Variants in ITFG1 observed in about 807,000 individuals in gnomAD.
ITFG1 encodes the protein T-cell immunomodulatory protein.
Under a neutral mutation model 81.8 loss-of-function variants are expected in ITFG1, and 34 were observed. The ratio of observed to expected loss-of-function variants is 0.42; its 90% CI spans 0.32 to 0.55. The LOEUF is 0.55. Among genes scored for constraint, ITFG1 ranks in the 20% least tolerant of loss-of-function variants. The probability of loss-of-function intolerance (pLI) is 0.17; values close to 1 mark genes in which losing one functional copy is unlikely to be tolerated. For synonymous variants in ITFG1, 285 were observed against 270.6 expected, an observed-to-expected ratio of 1.05 and a Z score of -0.52; for missense variants, 672 against 755.4, an observed-to-expected ratio of 0.89 and a Z score of 1.29.
intron 8 of ITFG1, among the ~76,000 whole-genome samples, chr16:47,339,325 G>C (rs1967750109): frequency 6.6e-6 from 1 of 152,148 alleles, no homozygotes; most frequent in Admixed American, 6.5e-5. Flanking sequence ...GGGACTGCAG[G>C]ATCCACATGG....
intron 14 of ITFG1, among the ~76,000 whole-genome samples, chr16:47,178,397 A>C (rs977705302): frequency 5.3e-5 from 8 of 152,210 alleles, no homozygotes; most frequent in Non-Finnish European, 8.8e-5. Flanking sequence ...CTTAGTGCTC[A>C]GCATAAAGAC....
At chr16:47,360,980 T>C (rs764091026) in intron 8 of ITFG1, among the ~76,000 whole-genome samples, 1 of 152,194 alleles carries the variant, frequency 6.6e-6, no homozygotes, top group Non-Finnish European at 1.5e-5. Context: ...GGTGTACTCA[T>C]TGAATCATAT....
chr16:47,306,612 C>CT (rs776448460), intron 10 of ITFG1, among the ~76,000 whole-genome samples: 28 of 150,982 alleles, frequency 1.9e-4, no homozygotes, highest in Non-Finnish European at 2.9e-5. Context: ...CAAGAGTAAA[C>CT]TTCTATTAGT....
intron 14 of ITFG1, among the ~76,000 whole-genome samples, chr16:47,194,045 T>C (rs896169719): frequency 2.0e-5 from 3 of 152,146 alleles, no homozygotes; most frequent in Non-Finnish European, 4.4e-5. Context: ...CAGAACAAGA[T>C]TTTTCTTTTT....
chr16:47,179,169 C>A (rs1434196406), intron 14 of ITFG1, among the ~76,000 whole-genome samples: 1 of 152,168 alleles, frequency 6.6e-6, no homozygotes, highest in Non-Finnish European at 1.5e-5. Flanking sequence ...GACAGTGTGG[C>A]AATTCCTCAA....
At chr16:47,187,520 C>A (rs934141848) in intron 14 of ITFG1, among the ~76,000 whole-genome samples, 1 of 152,104 alleles carries the variant, frequency 6.6e-6, no homozygotes, top group African/African-American at 2.4e-5. Context: ...GAAAGGATTC[C>A]CTATTTAATA....
chr16:47,427,238 C>T (rs1449679410), intron 6 of ITFG1, among the ~76,000 whole-genome samples: 2 of 152,134 alleles, frequency 1.3e-5, no homozygotes, highest in African/African-American at 4.8e-5. Context: ...GAAAACTGAA[C>T]CTACTGATCA....
At chr16:47,444,553 T>C (rs1489276163) in intron 5 of ITFG1, among the ~76,000 whole-genome samples, 1 of 152,182 alleles carries the variant, frequency 6.6e-6, no homozygotes, top group Non-Finnish European at 1.5e-5. Context: ...TGTAAATTTA[T>C]ATATTAGGTG....
intron 10 of ITFG1, among the ~76,000 whole-genome samples, chr16:47,305,305 T>C (rs1967140516): frequency 6.6e-6 from 1 of 152,160 alleles, no homozygotes; most frequent in South Asian, 2.1e-4. Context: ...GACTAGTACT[T>C]TGTAGTGAGT....
chr16:47,450,377 C>T (rs767130032), intron 5 of ITFG1: 12 of 300,610 alleles, frequency 4.0e-5, no homozygotes, highest in Non-Finnish European at 7.7e-5. Context: ...GGTGATCTCC[C>T]ATCCAAGCAC....
At position 47,443,157 on chromosome 16, in the gene ITFG1, T is replaced by C. The variant is rs184991812; in HGVS notation, c.560+8239A>G. On this transcript the variant is annotated intron_variant, in intron 5 of 17. Transcript: ENST00000320640. ...AAAACACATGAAAAAATGCTCATCA[T>C]CACTGGCCATCAGAGAAATGCAAAT... Among the ~76,000 whole-genome samples the C allele has an allele frequency of 8.8e-3, 1,341 of 152,324 alleles. 9 individuals are homozygous for C. The highest frequency in any genetic ancestry group is 0.013 in the Admixed American group (197 of 15,292).
Position 47,211,383 on chromosome 16 carries a change from T to C in ITFG1, c.1453+7485A>G, listed in dbSNP as rs563650659. Among the ~76,000 whole-genome samples the C allele has an allele frequency of 3.3e-4, 50 of 152,378 alleles. No individual in the cohort carries two copies. In the Middle Eastern group the frequency reaches 0.02, roughly 62 times the overall value. ...GCGTTCTTGTATCCTGCAACCTTGCTGAATGTACTTCTTGGTTGCAGCAGT... is the reference window on the plus strand; with the variant it reads ...GCGTTCTTGTATCCTGCAACCTTGCCGAATGTACTTCTTGGTTGCAGCAGT... On this transcript the variant is annotated intron_variant, in intron 14 of 17. Coordinates refer to ENST00000320640, the MANE Select transcript of ITFG1 (RefSeq NM_030790.5).
At chr16:47,339,978 C>T (rs1374285132) in intron 8 of ITFG1, among the ~76,000 whole-genome samples, 1 of 151,672 alleles carries the variant, frequency 6.6e-6, no homozygotes, top group Non-Finnish European at 1.5e-5. Context: ...AACAAAAAAC[C>T]AATTCATCAT....
rs2151574899 is a variant in ITFG1, at chr16:47,333,916, A to G, written c.803-20093T>C. 2.0e-5 allele frequency among the ~76,000 whole-genome samples: 3 copies of G among 152,356 alleles called. No individual in the cohort carries two copies. In the South Asian group the frequency reaches 6.2e-4, roughly 32 times the overall value. ...AAAATTCAATGAACTGTGATACCAC[A>G]TTTACATGACTTCATTTTATATGAA... On this transcript the variant is annotated intron_variant, in intron 8 of 17. Transcript: ENST00000320640.
At chr16:47,442,943 C>A (rs1166793252) in intron 5 of ITFG1, among the ~76,000 whole-genome samples, 1 of 152,134 alleles carries the variant, frequency 6.6e-6, no homozygotes, top group Non-Finnish European at 1.5e-5. Context: ...GCAAAAGAAA[C>A]CACCATCAGA....
At chr16:47,156,056 C>T (rs767624524) in intron 17 of ITFG1, among the ~76,000 whole-genome samples, 1 of 152,128 alleles carries the variant, frequency 6.6e-6, no homozygotes, top group Non-Finnish European at 1.5e-5. Context: ...TTATTATCTA[C>T]TTGAAAATAG....
chr16:47,421,435 G>T (rs1968947918), intron 6 of ITFG1, among the ~76,000 whole-genome samples: 1 of 151,964 alleles, frequency 6.6e-6, no homozygotes, highest in Non-Finnish European at 1.5e-5. Context: ...CTCCTGAGTA[G>T]CTGGGACTAC....
intron 5 of ITFG1, chr16:47,448,261 GAAGGGTGATTTAATAAATCAGTC>G (rs1969346457): frequency 6.6e-6 from 1 of 152,132 alleles, no homozygotes; most frequent in Admixed American, 6.5e-5. Context: ...CAGTAAAACT[GAAGGGTGATTTAATAAATCAGTC>G]ATTGGTTATA....
chr16:47,155,913 C>A, intron 17 of ITFG1, 135 bp from the exon 18 acceptor site: 1 of 583,572 alleles, frequency 1.7e-6, no homozygotes, highest in Non-Finnish European at 3.0e-6. Context: ...CCTAATTCAA[C>A]AGTCCTAGTA....
Sources: allele counts gnomAD v4.1 joint callset (sites outside exome capture counted in the v4.1 genomes callset), GRCh38; gene constraint gnomAD v4.1.1; transcripts MANE v1.5; gene names NCBI Gene and HGNC (gene_info 2026-07-23, HGNC 2026-07-21).